The following FKBP5 variants were observed in gnomAD, a reference collection of about 807,000 sequenced individuals.
The protein encoded by FKBP5 is FKBP prolyl isomerase 5.
In FKBP5, 23 loss-of-function variants were observed where a neutral mutation model predicts 50.5. The observed-to-expected ratio is 0.46, with a 90% confidence interval of 0.33 to 0.65. The LOEUF (loss-of-function observed/expected upper bound fraction) is 0.65. Among genes scored for constraint, FKBP5 ranks in the 30% least tolerant of loss-of-function variants. The pLI is 0.02. For synonymous variants in FKBP5, 176 were observed against 190.6 expected (o/e 0.92, Z 0.63); for missense variants, 411 against 553.1 (o/e 0.74, Z 2.58).
At chr6:35,609,192 T>C (rs781543600) in intron 5 of FKBP5, among the ~76,000 whole-genome samples, 1 of 152,218 alleles carries the variant, frequency 6.6e-6, no homozygotes, top group Admixed American at 6.5e-5. Flanking sequence ...TTTTTCTCGC[T>C]ACTGTTTCTT....
At chr6:35,719,554 A>G (rs2151024195) in intron 2 of FKBP5, among the ~76,000 whole-genome samples, 1 of 152,332 alleles carries the variant, frequency 6.6e-6, no homozygotes, top group South Asian at 2.1e-4. Flanking sequence ...TGCTCAGTTT[A>G]ATGAATTATT....
At chr6:35,588,884 G>A (rs1366212024) in intron 7 of FKBP5, among the ~76,000 whole-genome samples, 2 of 150,886 alleles carry the variant, frequency 1.3e-5, no homozygotes, top group African/African-American at 4.9e-5. Context: ...GGAAATATAG[G>A]AATGTGCTAC....
At chr6:35,670,655 C>A (rs1765360060) in intron 1 of FKBP5, among the ~76,000 whole-genome samples, 1 of 151,428 alleles carries the variant, frequency 6.6e-6, no homozygotes. Flanking sequence ...TCGCTTGAAC[C>A]TGGGAGGCGG....
intron 5 of FKBP5, among the ~76,000 whole-genome samples, chr6:35,615,587 A>G (rs955289314): frequency 1.3e-5 from 2 of 152,256 alleles, no homozygotes; most frequent in Non-Finnish European, 2.9e-5. Context: ...ATAAATATAC[A>G]CAGATCCATA....
chr6:35,581,344 T>A (rs1481666317), intron 8 of FKBP5: 1 of 334,280 alleles, frequency 3.0e-6, no homozygotes, highest in South Asian at 1.2e-4. Context: ...CAGTGGCTCA[T>A]ACCTGTAATC....
intron 1 of FKBP5, among the ~76,000 whole-genome samples, chr6:35,721,215 G>T (rs1766603786): frequency 6.6e-6 from 1 of 152,054 alleles, no homozygotes; most frequent in South Asian, 2.1e-4. Flanking sequence ...AGCCAGGCAT[G>T]GTGGCAGGCG....
intron 8 of FKBP5, 169 bp downstream of exon 8, chr6:35,586,865 T>C (rs1762616414): frequency 1.4e-6 from 2 of 1,447,424 alleles, no homozygotes; most frequent in African/African-American, 3.0e-5. Context: ...TTTTTCCACA[T>C]GATTGTTTTC....
intron 5 of FKBP5, among the ~76,000 whole-genome samples, chr6:35,604,439 A>G (rs1170360976): frequency 3.3e-5 from 5 of 152,242 alleles, no homozygotes; most frequent in Admixed American, 6.5e-5. Flanking sequence ...CAAGTACCAT[A>G]TTACATTATT....
chr6:35,677,076 T>C (rs1765540933), intron 1 of FKBP5, among the ~76,000 whole-genome samples: 1 of 152,114 alleles, frequency 6.6e-6, no homozygotes, highest in South Asian at 2.1e-4. Flanking sequence ...TTTGTTTTGT[T>C]GTGTTGTTTT....
intron 1 of FKBP5, among the ~76,000 whole-genome samples, chr6:35,669,334 C>G (rs778347283): frequency 3.9e-5 from 6 of 152,178 alleles, no homozygotes; most frequent in Non-Finnish European, 8.8e-5. Flanking sequence ...ATACAATAAT[C>G]TGTTGCCTTT....
chr6:35,587,812 C>A (rs927074655), intron 7 of FKBP5, among the ~76,000 whole-genome samples: 26 of 152,128 alleles, frequency 1.7e-4, no homozygotes, highest in African/African-American at 6.3e-4. Flanking sequence ...AATAACTGCA[C>A]TTGCCATTTA....
At chr6:35,628,662 T>C (rs964081912) in intron 3 of FKBP5, among the ~76,000 whole-genome samples, 1 of 152,246 alleles carries the variant, frequency 6.6e-6, no homozygotes, top group African/African-American at 2.4e-5. Flanking sequence ...CTTCTTTTTA[T>C]ACTAAATAAA....
At chr6:35,669,592 C>T (rs1440728337) in intron 1 of FKBP5, among the ~76,000 whole-genome samples, 2 of 152,150 alleles carry the variant, frequency 1.3e-5, no homozygotes, top group East Asian at 1.9e-4. Flanking sequence ...AGAGGCAATA[C>T]ATAAACACAC....
chr6:35,659,156 G>A (rs2150998802), intron 1 of FKBP5, among the ~76,000 whole-genome samples: 1 of 84,436 alleles, frequency 1.2e-5, no homozygotes, highest in African/African-American at 3.7e-5. Flanking sequence ...TTTTATGGAG[G>A]AGTTTGTGTA....
intron 2 of FKBP5, among the ~76,000 whole-genome samples, chr6:35,703,244 C>G (rs7745324): frequency 0.77 from 115,542 of 150,876 alleles, 44,745 homozygotes; most frequent in African/African-American, 0.89. Context: ...GAGCAAGACT[C>G]CATCTCAAAA....
intron 5 of FKBP5, among the ~76,000 whole-genome samples, chr6:35,617,321 CTTTTTT>C (rs995437172): frequency 6.9e-6 from 1 of 145,942 alleles, no homozygotes; most frequent in East Asian, 2.0e-4. Context: ...GAACTCTTTA[CTTTTTT>C]TTTTTAAGGA....
rs537752155 is a variant in FKBP5, at chr6:35,579,845, G to A, written c.1026+191C>T. Reference sequence around the variant, plus strand: ...GATAAACAGTCTAGGTATCATAAAAGTCTGACTGTAATAAAAATCTTGCTG... The same window carrying A: ...GATAAACAGTCTAGGTATCATAAAAATCTGACTGTAATAAAAATCTTGCTG... On this transcript the variant is annotated intron_variant, in intron 9 of 10. Transcript: ENST00000357266. Among the ~76,000 whole-genome samples, 39 of 152,240 alleles carry A rather than the reference G, an allele frequency of 2.6e-4. 1 individual carries two copies. The highest frequency in any genetic ancestry group is 8.9e-4 in the African/African-American group (37 of 41,546).
chr6:35,611,368 T>C (rs1292304512), intron 5 of FKBP5, among the ~76,000 whole-genome samples: 1 of 152,218 alleles, frequency 6.6e-6, no homozygotes, highest in Non-Finnish European at 1.5e-5. Context: ...TTAAAAATAC[T>C]GCTGACTGTC....
chr6:35,728,566 G>C (rs1766774944), exon 1 of FKBP5: 1 of 152,404 alleles, frequency 6.6e-6, no homozygotes, highest in Non-Finnish European at 1.5e-5. Flanking sequence ...GTTGCAAACA[G>C]AGGTAGGAGT....
Sources: allele counts gnomAD v4.1 joint callset (sites outside exome capture counted in the v4.1 genomes callset), GRCh38; gene constraint gnomAD v4.1.1; transcripts MANE v1.5; gene names NCBI Gene and HGNC (gene_info 2026-07-23, HGNC 2026-07-21).